The following GNAS-AS1 variants were observed in gnomAD, a reference collection of about 807,000 sequenced individuals.
The protein encoded by GNAS-AS1 is GNAS antisense RNA 1.
chr20:58,826,038 C>T (rs554802603), intron 4 of GNAS-AS1: 3 of 398,548 alleles, frequency 7.5e-6, no homozygotes, highest in Non-Finnish European at 1.3e-5. Flanking sequence ...TAGACGATGA[C>T]TTCAGCGAGA....
intron 4 of GNAS-AS1, among the ~76,000 whole-genome samples, chr20:58,838,175 A>G (rs1053334322): frequency 2.0e-5 from 3 of 152,116 alleles, no homozygotes; most frequent in African/African-American, 7.2e-5. Context: ...ACTTGTCACT[A>G]TGGCCAAAAA....
intron 2 of GNAS-AS1, among the ~76,000 whole-genome samples, chr20:58,843,812 A>T (rs1479119994): frequency 2.0e-5 from 3 of 152,192 alleles, no homozygotes; most frequent in Non-Finnish European, 2.9e-5. Flanking sequence ...AACTTATCTG[A>T]GCTGGGAATT....
At chr20:58,830,615 C>T (rs1020069629) in intron 4 of GNAS-AS1, among the ~76,000 whole-genome samples, 1 of 130,704 alleles carries the variant, frequency 7.7e-6, no homozygotes, top group African/African-American at 3.1e-5. Flanking sequence ...ATCACCACCA[C>T]ACCACCATCA....
intron 2 of GNAS-AS1, among the ~76,000 whole-genome samples, chr20:58,844,554 C>T (rs2085868562): frequency 6.6e-6 from 1 of 152,164 alleles, no homozygotes; most frequent in African/African-American, 2.4e-5. Context: ...AGACCCAACA[C>T]CCCTCTGCCT....
exon 5 of GNAS-AS1, chr20:58,819,224 G>T (rs1005029423): frequency 7.5e-6 from 3 of 398,700 alleles, no homozygotes; most frequent in Middle Eastern, 6.3e-4. Context: ...GCTGCAGAAG[G>T]TTCCAGGGAC....
chr20:58,838,803 G>T (rs2085633253), intron 4 of GNAS-AS1: 1 of 390,032 alleles, frequency 2.6e-6, no homozygotes, highest in South Asian at 1.4e-4. Flanking sequence ...TGTAATCCCA[G>T]CTACTCAGGA....
chr20:58,837,177 C>G (rs765769241), intron 4 of GNAS-AS1, among the ~76,000 whole-genome samples: 1 of 152,126 alleles, frequency 6.6e-6, no homozygotes, highest in Non-Finnish European at 1.5e-5. Flanking sequence ...GATTTTTCCC[C>G]CAACGTGCCC....
At chr20:58,839,134 T>A in intron 4 of GNAS-AS1, 1 of 398,544 alleles carries the variant, frequency 2.5e-6, no homozygotes, top group East Asian at 3.6e-5. Context: ...TCAGATGGGC[T>A]TGCAGACTTG....
exon 3 of GNAS-AS1, chr20:58,842,504 G>A (rs1200109314): frequency 5.0e-6 from 2 of 398,508 alleles, no homozygotes; most frequent in East Asian, 7.1e-5. Context: ...AGTTCTGCCG[G>A]GCTGCAGCGC....
In GNAS-AS1 at chr20:58,819,320, A is replaced by T. The variant is rs1399881170; in HGVS notation, n.820-65T>A. 2.0e-5 allele frequency: 8 copies of T among 397,984 alleles called. No individual in the cohort carries two copies. In the Admixed American group the frequency reaches 3.5e-4, roughly 18 times the overall value. 24.7% of individuals were successfully genotyped at this position (397,984 alleles called of 1,614,324 possible). A position where few individuals can be genotyped will look rare whatever the true frequency, so the allele number is the denominator to read the frequency against. On this transcript the variant is annotated intron_variant and non_coding_transcript_variant, in intron 4 of 4. Coordinates refer to ENST00000424094, the Ensembl canonical transcript of GNAS-AS1. ...AACAGGGCAAAGGATTAACAACAGA[A>T]ATGAAACCAGGCGCACACACACTCA...
intron 4 of GNAS-AS1, among the ~76,000 whole-genome samples, chr20:58,837,751 A>G (rs1253726182): frequency 6.6e-6 from 1 of 152,200 alleles, no homozygotes; most frequent in Admixed American, 6.5e-5. Context: ...CCCAATCACT[A>G]TTTTAATGCT....
At chr20:58,849,160 G>GT (rs2086054014) in intron 1 of GNAS-AS1, among the ~76,000 whole-genome samples, 1 of 152,108 alleles carries the variant, frequency 6.6e-6, no homozygotes, top group Non-Finnish European at 1.5e-5. Flanking sequence ...CATCTAGTGG[G>GT]TAGAGGCTAG....
intron 4 of GNAS-AS1, among the ~76,000 whole-genome samples, chr20:58,835,118 T>C (rs2085593891): frequency 6.6e-6 from 1 of 152,100 alleles, no homozygotes; most frequent in East Asian, 1.9e-4. Flanking sequence ...TACCAAATTC[T>C]CGGTGGGGTT....
In GNAS-AS1 at chr20:58,841,245, T is replaced by G; in HGVS notation, n.819+692A>C. The G allele has an allele frequency of 1.1e-6, 1 of 945,132 alleles. No homozygotes were observed. The highest frequency in any genetic ancestry group is 2.7e-5 in the South Asian group (1 of 37,662). The allele number at this position is 945,132 out of a possible 1,614,324, so 58.5% of individuals were successfully genotyped here. ...TGGTAAGTCACTTGTTTTGCGCGCT[T>G]TTCTTCCTCCTAGAAAGACTAGTCT... On this transcript the variant is annotated intron_variant and non_coding_transcript_variant, in intron 4 of 4. Coordinates refer to ENST00000424094, the Ensembl canonical transcript of GNAS-AS1. This position sits in a 1 kb window ranked among gnomAD's most constrained non-coding sequence, Gnocchi z 5.0.
intron 4 of GNAS-AS1, chr20:58,839,947 G>T: frequency 2.9e-6 from 2 of 699,942 alleles, no homozygotes; most frequent in Non-Finnish European, 4.8e-6. Context: ...GAAGGTAGGT[G>T]CTTCCCTTTT....
intron 2 of GNAS-AS1, among the ~76,000 whole-genome samples, chr20:58,848,118 A>G (rs1345226229): frequency 6.6e-6 from 1 of 152,264 alleles, no homozygotes; most frequent in African/African-American, 2.4e-5. Flanking sequence ...CTTTCCTCAG[A>G]CATGCAGAGT....
intron 4 of GNAS-AS1, among the ~76,000 whole-genome samples, chr20:58,821,990 C>G (rs2085490204): frequency 6.6e-6 from 1 of 152,224 alleles, no homozygotes; most frequent in Non-Finnish European, 1.5e-5. Flanking sequence ...TAAGTCATCC[C>G]TATCCCGACG....
chr20:58,840,659 C>T lies in GNAS-AS1; in HGVS notation n.819+1278G>A, dbSNP rs748047944. On this transcript the variant is annotated intron_variant and non_coding_transcript_variant, in intron 4 of 4. Transcript: ENST00000424094. This position sits in a 1 kb window ranked among gnomAD's most constrained non-coding sequence, Gnocchi z 6.0. ...TCGCGCGCCGCCCAGCACTCAGGAGCCCCAGAGCCCCAGGGAAGGGGAGGA... is the reference window on the plus strand; with the variant it reads ...TCGCGCGCCGCCCAGCACTCAGGAGTCCCAGAGCCCCAGGGAAGGGGAGGA... 6.2e-7 allele frequency: 1 copy of T among 1,605,248 alleles called. No homozygotes were observed. The highest frequency in any genetic ancestry group is 8.5e-7 in the Non-Finnish European group (1 of 1,179,124).
At chr20:58,835,207 G>A (rs989093148) in intron 4 of GNAS-AS1, among the ~76,000 whole-genome samples, 4 of 152,116 alleles carry the variant, frequency 2.6e-5, no homozygotes, top group African/African-American at 9.7e-5. Context: ...CCAAAGGAAA[G>A]TTGGAAAAGC....
Sources: gnomAD v4.1 joint callset for allele counts (sites outside exome capture counted in the v4.1 genomes callset) on GRCh38, gnomAD v4.1.1 for gene constraint, Gnocchi (gnomAD v3.1) non-coding constraint, MANE v1.5 for transcripts, NCBI Gene and HGNC (gene_info 2026-07-23, HGNC 2026-07-21) for gene names.